SLC5A10: variants seen among roughly 807,000 people sequenced by gnomAD.
SLC5A10 encodes sodium/mannose cotransporter SLC5A10.
Under a neutral mutation model 68.9 loss-of-function variants are expected in SLC5A10, and 55 were observed. The ratio of observed to expected loss-of-function variants is 0.80; its 90% CI spans 0.64 to 1.00. The LOEUF is 1.00. SLC5A10 is among the 50% of genes least tolerant of loss of function. The pLI, the probability that SLC5A10 is intolerant of heterozygous loss-of-function variation, is 0.00. For synonymous variants in SLC5A10, 344 were observed against 344.8 expected, an observed-to-expected ratio of 1.00 and a Z score of 0.02; for missense variants, 732 against 819.3, an observed-to-expected ratio of 0.89 and a Z score of 1.30.
chr17:18,959,353 T>C, intron 3 of SLC5A10, 114 bp downstream of exon 3: 1 of 1,100,948 alleles, frequency 9.1e-7, no homozygotes, highest in Non-Finnish European at 1.3e-6. Flanking sequence ...AGGTGGGCTC[T>C]GTGCAGTGCT....
In SLC5A10 at chr17:19,003,870, A is replaced by T. The variant is rs2043803679; in HGVS notation, c.983-9540A>T. 2 of 1,612,890 alleles carry T rather than the reference A, an allele frequency of 1.2e-6. No individual in the cohort carries two copies. Among genetic ancestry groups the T allele is most frequent in the Non-Finnish European group, 1.7e-6 (2 of 1,179,920 alleles). On this transcript the variant is annotated intron_variant, in intron 9 of 14. Transcript: ENST00000395645. The surrounding 1 kb of genome is among the most constrained non-coding windows in gnomAD (Gnocchi z 4.5). The stretch of plus-strand genomic sequence containing the variant: ...CGCTTGAGCTCCAGCTCCGAGAGGA[A>T]GTCTCGGATGTTCTCCCGCTTGAGC...
intron 9 of SLC5A10, chr17:18,979,720 C>T: frequency 1.2e-6 from 2 of 1,607,196 alleles, no homozygotes; most frequent in East Asian, 2.2e-5. Context: ...CAACCCTGAC[C>T]ACACAGGGCG....
At chr17:18,990,825 C>G (rs541292411) in intron 9 of SLC5A10, among the ~76,000 whole-genome samples, 1 of 152,188 alleles carries the variant, frequency 6.6e-6, no homozygotes, top group Non-Finnish European at 1.5e-5. Flanking sequence ...CCCCAACAGC[C>G]TGGCCTGTCC....
In SLC5A10 at chr17:19,015,097, C is replaced by T. The variant is rs144884563; in HGVS notation, c.1139C>T (p.Ser380Leu). Residue 380 changes from serine to leucine, a missense_variant, in exon 11 of 15, where the codon TCG (serine) becomes TTG (leucine). Transcript: ENST00000395645. ...IAVMLAALMS[S>L]LTSIFNSSST... ...GTGATGCTGGCGGCGCTCATGTCGT[C>T]GCTGACCTCCATCTTCAACAGCAGC... The T allele has an allele frequency of 3.3e-5, 53 of 1,613,518 alleles. No homozygotes were observed. The highest frequency in any genetic ancestry group is 4.1e-5 in the Non-Finnish European group (48 of 1,179,790).
At chr17:19,012,955 C>T (rs921893715) in intron 9 of SLC5A10, among the ~76,000 whole-genome samples, 1 of 152,132 alleles carries the variant, frequency 6.6e-6, no homozygotes, top group African/African-American at 2.4e-5. Context: ...CATGGACAGA[C>T]GCGACTTGTT....
Position 18,958,704 on chromosome 17 carries a change from A to G in SLC5A10, c.134A>G (p.Asn45Ser). The G allele has an allele frequency of 6.2e-7, 1 of 1,614,134 alleles. No homozygotes were observed. The highest frequency in any genetic ancestry group is 1.1e-5 in the South Asian group (1 of 91,080). ...GIWSSCRASRNTVNGYFLAGR... is the reference protein window; with the variant it reads ...GIWSSCRASRSTVNGYFLAGR... ...CAGTCCTCTTGTCGGGCCAGTAGGA[A>G]CACGGTGAATGGCTACTTCCTGGCA... Residue 45 changes from asparagine to serine, a missense_variant, in exon 2 of 15, where the codon AAC becomes AGC. Physicochemically the swap from Asn to Ser is conservative, Grantham distance 46 (BLOSUM62 1). Coordinates refer to ENST00000395645, the MANE Select transcript of SLC5A10 (RefSeq NM_001042450.4).
At chr17:18,997,939 T>C (rs1035326423) in intron 9 of SLC5A10, among the ~76,000 whole-genome samples, 20 of 152,342 alleles carry the variant, frequency 1.3e-4, no homozygotes, top group African/African-American at 4.8e-4. Flanking sequence ...CTGTTAGCAC[T>C]ACCATGACAC....
At chr17:18,962,943 C>T (rs1357489675) in intron 5 of SLC5A10, among the ~76,000 whole-genome samples, 1 of 152,154 alleles carries the variant, frequency 6.6e-6, no homozygotes, top group Non-Finnish European at 1.5e-5. Flanking sequence ...AGGGGGCCGG[C>T]GTGGTGGCTC....
Position 18,977,704 on chromosome 17 carries a change from T to C in SLC5A10, c.982+715T>C, listed in dbSNP as rs767578750. ...GGGGTCCAACAAAGGTCCCTCGGGTTATATGGGGGGCACTCAGCTGCCGGC... is the reference window on the plus strand; with the variant it reads ...GGGGTCCAACAAAGGTCCCTCGGGTCATATGGGGGGCACTCAGCTGCCGGC... On this transcript the variant is annotated intron_variant, in intron 9 of 14. Transcript: ENST00000395645. 1.9e-6 allele frequency: 3 copies of C among 1,610,360 alleles called. No individual in the cohort carries two copies. The South Asian group carries it at 3.3e-5, about 18-fold the overall frequency.
At position 18,971,761 on chromosome 17, in the gene SLC5A10, G is replaced by T. The variant is rs1309207948; in HGVS notation, c.846+543G>T. On this transcript the variant is annotated intron_variant, in intron 8 of 14. Coordinates refer to ENST00000395645, the MANE Select transcript of SLC5A10 (RefSeq NM_001042450.4). The surrounding 1 kb of genome is among the most constrained non-coding windows in gnomAD (Gnocchi z 5.5). ...GAAACTGCTGGCCCTGGGAGAGAGA[G>T]AGCAGAGAGTGAGGCTGAGCAAGAA... 1 of 1,548,040 alleles carries T rather than the reference G, an allele frequency of 6.5e-7. No homozygotes were observed. Among genetic ancestry groups the T allele is most frequent in the South Asian group, 1.2e-5 (1 of 80,460 alleles).
chr17:18,981,419 G>A (rs1323668847), intron 9 of SLC5A10, among the ~76,000 whole-genome samples: 4 of 152,208 alleles, frequency 2.6e-5, no homozygotes, highest in Admixed American at 6.5e-5. Flanking sequence ...CCTGGGGCCA[G>A]TAGGGAGCCA....
intron 9 of SLC5A10, chr17:18,988,287 T>C (rs1212275392): frequency 6.2e-7 from 1 of 1,614,018 alleles, no homozygotes. Flanking sequence ...CTCACACATG[T>C]GCAGGAAGTA....
intron 9 of SLC5A10, among the ~76,000 whole-genome samples, chr17:19,001,127 C>T (rs1474144577): frequency 1.3e-5 from 2 of 152,184 alleles, no homozygotes; most frequent in African/African-American, 2.4e-5. Context: ...ATAACACTAG[C>T]TGAGATTATA....
At chr17:18,994,268 G>A (rs1256890699) in intron 9 of SLC5A10, among the ~76,000 whole-genome samples, 11 of 152,236 alleles carry the variant, frequency 7.2e-5, no homozygotes, top group Non-Finnish European at 1.6e-4. Context: ...AGCGATTCCT[G>A]AGAGAAGAGG....
intron 9 of SLC5A10, among the ~76,000 whole-genome samples, chr17:18,983,257 T>A (rs1251354211): frequency 6.6e-6 from 1 of 152,226 alleles, no homozygotes; most frequent in Non-Finnish European, 1.5e-5. Context: ...TCCTTTAATT[T>A]CACCCTCACA....
chr17:18,960,895 C>T (rs1261791667), intron 5 of SLC5A10, among the ~76,000 whole-genome samples: 2 of 152,166 alleles, frequency 1.3e-5, no homozygotes, highest in African/African-American at 2.4e-5. Context: ...ACCTGGTGAC[C>T]TCTGCTTTGC....
In SLC5A10 at chr17:18,976,913, C is replaced by G; in HGVS notation, c.906C>G (p.Ile302Met). 1 of 1,613,714 alleles carries G rather than the reference C, an allele frequency of 6.2e-7. No individual in the cohort carries two copies. Among genetic ancestry groups the G allele is most frequent in the Admixed American group, 1.7e-5 (1 of 60,020 alleles). Residue 302 changes from isoleucine to methionine, a missense_variant, in exon 9 of 15, where the codon ATC becomes ATG. Ile to Met is a conservative substitution (Grantham distance 10). Coordinates refer to ENST00000395645, the MANE Select transcript of SLC5A10 (RefSeq NM_001042450.4). ...TGAACCATGCCAAGGCGGGCTCCAT[C>G]CTGGCCAGCTACCTCAAGATGCTCC... ...RDLNHAKAGS[I>M]LASYLKMLPM...
chr17:18,997,816 C>T (rs899963260), intron 9 of SLC5A10, among the ~76,000 whole-genome samples: 1 of 152,152 alleles, frequency 6.6e-6, no homozygotes, highest in Admixed American at 6.5e-5. Flanking sequence ...GTGGAGGAGG[C>T]GAGGGGAGAG....
At chr17:18,970,729 A>C (rs1193079634) in intron 7 of SLC5A10, 5 of 468,078 alleles carry the variant, frequency 1.1e-5, no homozygotes, top group Non-Finnish European at 1.9e-5. Flanking sequence ...TCCAGAGGCC[A>C]ACAGTGACTC....
Sources: allele counts gnomAD v4.1 joint callset (sites outside exome capture counted in the v4.1 genomes callset), GRCh38; gene constraint gnomAD v4.1.1; non-coding constraint Gnocchi (gnomAD v3.1); transcripts MANE v1.5; gene names NCBI Gene and HGNC (gene_info 2026-07-23, HGNC 2026-07-21).